SREK1: variants seen among roughly 807,000 people sequenced by gnomAD.
SREK1 encodes the protein splicing regulatory glutamic acid and lysine rich protein 1.
Under a neutral mutation model 66.5 loss-of-function variants are expected in SREK1, and 13 were observed. The ratio of observed to expected loss-of-function variants is 0.20; its 90% CI spans 0.13 to 0.31. SREK1 has a LOEUF of 0.31. Ranked by LOEUF, SREK1 falls within the 10% of genes least tolerant of loss-of-function variation. The probability of loss-of-function intolerance (pLI) is 1.00; values close to 1 mark genes in which losing one functional copy is unlikely to be tolerated. For missense variants in SREK1, 607 were observed against 769.6 expected (o/e 0.79, Z 2.50); for synonymous variants, 265 against 263.5 (o/e 1.01, Z -0.05).
At chr5:66,162,877 T>C (rs1178849584) in intron 5 of SREK1, 1 of 233,418 alleles carries the variant, frequency 4.3e-6, no homozygotes, top group Non-Finnish European at 8.2e-6. Flanking sequence ...CCATAAACTT[T>C]AATAGTCAGG....
intron 4 of SREK1, 33 bp downstream of exon 4, chr5:66,162,306 A>G: frequency 6.2e-7 from 1 of 1,612,268 alleles, no homozygotes; most frequent in Non-Finnish European, 8.5e-7. Flanking sequence ...AAGCAGCAGT[A>G]GCCCTTATTC....
At chr5:66,150,929 C>T (rs1743735092) in intron 1 of SREK1, among the ~76,000 whole-genome samples, 1 of 151,018 alleles carries the variant, frequency 6.6e-6, no homozygotes, top group Non-Finnish European at 1.5e-5. Context: ...CAAACTCTGC[C>T]TCCCGGGTTC....
At chr5:66,145,577 G>A (rs1244880275) in intron 1 of SREK1, among the ~76,000 whole-genome samples, 2 of 151,898 alleles carry the variant, frequency 1.3e-5, no homozygotes, top group Non-Finnish European at 2.9e-5. Context: ...TATAAAAGTT[G>A]TGTGGATATT....
At chr5:66,157,141 T>TA (rs2111990256) in intron 2 of SREK1, 2 of 944,704 alleles carry the variant, frequency 2.1e-6, no homozygotes, top group Admixed American at 6.2e-5. Context: ...GTTAATTTAT[T>TA]AAAAAATGTG....
At chr5:66,163,665 C>G (rs751022682) in intron 5 of SREK1, 127 bp from the exon 6 acceptor site, 34 of 785,546 alleles carry the variant, frequency 4.3e-5, no homozygotes, top group Non-Finnish European at 5.1e-5. Context: ...TTTGGTTATT[C>G]TGTATATCAT....
intron 2 of SREK1, chr5:66,158,769 T>C (rs1260153900): frequency 8.0e-7 from 1 of 1,256,756 alleles, no homozygotes. Flanking sequence ...CTTTAAAAAA[T>C]GTTCTTCTTT....
chr5:66,152,827 G>T (rs1743958019), intron 1 of SREK1, among the ~76,000 whole-genome samples: 1 of 152,120 alleles, frequency 6.6e-6, no homozygotes, highest in African/African-American at 2.4e-5. Context: ...CCTTTCATTT[G>T]TGCTTTGTCT....
intron 2 of SREK1, chr5:66,156,345 TATTTC>T (rs1744283815): frequency 7.8e-7 from 1 of 1,282,136 alleles, no homozygotes; most frequent in South Asian, 2.5e-5. Flanking sequence ...TTGTAAATGG[TATTTC>T]ATTAAGGGTT....
chr5:66,171,228 G>C (rs1426348390), intron 9 of SREK1, among the ~76,000 whole-genome samples: 1 of 152,074 alleles, frequency 6.6e-6, no homozygotes, highest in Admixed American at 6.6e-5. Context: ...GCAGGGAAAG[G>C]TACTTTTTTT....
intron 3 of SREK1, 116 bp from the exon 4 acceptor site, chr5:66,161,993 C>G: frequency 8.2e-7 from 1 of 1,219,446 alleles, no homozygotes; most frequent in Non-Finnish European, 1.1e-6. Flanking sequence ...GTTCGGAGTC[C>G]CTAGTCTCCT....
chr5:66,164,367 T>A (rs1174653832), intron 6 of SREK1: 4 of 339,748 alleles, frequency 1.2e-5, no homozygotes, highest in Non-Finnish European at 2.2e-5. Context: ...TTTAAACTTT[T>A]GTGTTGCTAA....
chr5:66,170,572 TTTG>T lies in SREK1; in HGVS notation c.1122-10_1122-8del. The T allele has an allele frequency of 1.3e-6, 2 of 1,575,714 alleles. No homozygotes were observed. The highest frequency in any genetic ancestry group is 1.7e-6 in the Non-Finnish European group (2 of 1,168,496). Reference sequence around the variant, plus strand: ...TATTTTAGTTATGAATTTATTTATTTTTGTTTTTAAAGGGACAAGAGAAAAGAC... The same window carrying T: ...TATTTTAGTTATGAATTTATTTATTTTTTTTAAAGGGACAAGAGAAAAGAC... On this transcript the variant is annotated splice_polypyrimidine_tract_variant and intron_variant, in intron 8 of 11. Transcript: ENST00000334121.
intron 1 of SREK1, among the ~76,000 whole-genome samples, chr5:66,148,770 T>C (rs1263535823): frequency 6.6e-6 from 1 of 152,162 alleles, no homozygotes; most frequent in Non-Finnish European, 1.5e-5. Context: ...CCTGCTAGTT[T>C]CTATAGATGC....
chr5:66,170,964 A>AGGG lies in SREK1; in HGVS notation c.1484+17_1484+18insGGG. Reference sequence around the variant, plus strand: ...TTCCAGCAGGTTTGATAATGCTTAAAATTTTTACAAAGGGATTTGCTGATG... The same window carrying AGGG: ...TTCCAGCAGGTTTGATAATGCTTAAAGGGATTTTTACAAAGGGATTTGCTGATG... On this transcript the variant is annotated intron_variant, in intron 9 of 11. Transcript: ENST00000334121. 6.3e-7 allele frequency: 1 copy of AGGG among 1,575,240 alleles called. No homozygotes were observed. The highest frequency in any genetic ancestry group is 8.6e-7 in the Non-Finnish European group (1 of 1,166,638).
Position 66,178,925 on chromosome 5 carries a change from C to T in SREK1, c.*57C>T. 1 of 1,475,320 alleles carries T rather than the reference C, an allele frequency of 6.8e-7. No homozygotes were observed. 91.4% of individuals were successfully genotyped at this position (1,475,320 alleles called of 1,614,324 possible). ...GGAATCAAATCCAAAGCTTTTAATT[C>T]TCTCAACAAGATGTAAACAGGAAAG... On this transcript the variant is annotated 3_prime_UTR_variant, in exon 12 of 12. Coordinates refer to ENST00000334121, the MANE Select transcript of SREK1 (RefSeq NM_001077199.3).
At chr5:66,177,909 C>T (rs911720409) in intron 11 of SREK1, among the ~76,000 whole-genome samples, 3 of 151,940 alleles carry the variant, frequency 2.0e-5, no homozygotes, top group Non-Finnish European at 2.9e-5. Flanking sequence ...AAGAAATCAA[C>T]AGTAACAAAT....
At chr5:66,164,053 G>A in intron 6 of SREK1, 131 bp downstream of exon 6, 3 of 1,125,626 alleles carry the variant, frequency 2.7e-6, no homozygotes, top group Non-Finnish European at 3.7e-6. Context: ...TCAAGAAATA[G>A]TAAGTAGCAT....
At chr5:66,169,388 T>C (rs1745440758) in intron 7 of SREK1, 1 of 152,162 alleles carries the variant, frequency 6.6e-6, no homozygotes, top group Admixed American at 6.6e-5. Context: ...GATTTTTCAG[T>C]TGTGTGTTTG....
chr5:66,152,555 A>G (rs1423982444), intron 1 of SREK1, among the ~76,000 whole-genome samples: 1 of 152,218 alleles, frequency 6.6e-6, no homozygotes, highest in Admixed American at 6.5e-5. Flanking sequence ...TGTTTTGTAA[A>G]CAAAAGTAAA....
Sources: gnomAD v4.1 joint callset for allele counts (sites outside exome capture counted in the v4.1 genomes callset) on GRCh38, gnomAD v4.1.1 for gene constraint, MANE v1.5 for transcripts, NCBI Gene and HGNC (gene_info 2026-07-23, HGNC 2026-07-21) for gene names.